SEMA4D: variants seen among roughly 807,000 people sequenced by gnomAD.
SEMA4D encodes semaphorin-4D.
In SEMA4D, 22 loss-of-function variants were observed where a neutral mutation model predicts 74.8. The observed-to-expected ratio is 0.29, with a 90% CI of 0.21 to 0.42. The LOEUF (loss-of-function observed/expected upper bound fraction) is 0.42, where lower values mean the gene tolerates loss of function less well. SEMA4D is among the 10% of genes least tolerant of loss of function. The pLI, the probability that SEMA4D is intolerant of heterozygous loss-of-function variation, is 1.00. For missense variants in SEMA4D, 937 were observed against 1,118.4 expected (o/e 0.84, Z 2.31); for synonymous variants, 445 against 463.7 (o/e 0.96, Z 0.52).
intron 2 of SEMA4D, among the ~76,000 whole-genome samples, chr9:89,435,701 CA>C (rs1564776802): frequency 1.1e-4 from 17 of 152,232 alleles, no homozygotes; most frequent in African/African-American, 4.1e-4. Context: ...GCAAGTCCTA[CA>C]GGCTCCACCT....
intron 1 of SEMA4D, among the ~76,000 whole-genome samples, chr9:89,480,367 C>T (rs928796942): frequency 3.9e-5 from 6 of 152,272 alleles, no homozygotes; most frequent in East Asian, 1.9e-4. Flanking sequence ...TAGTGGATCC[C>T]GCACCGGGGC....
chr9:89,381,374 G>A lies in SEMA4D; in HGVS notation c.1447-28C>T. On this transcript the variant is annotated intron_variant, in intron 13 of 15. Coordinates refer to ENST00000422704, the MANE Select transcript of SEMA4D (RefSeq NM_001371194.2). This position sits in a 1 kb window ranked among gnomAD's most constrained non-coding sequence, Gnocchi z 4.6. ...GCGTGTATGAGACAGAGAAGAACTA[G>A]CATCAGGCAAGCAGGCATCCAGGAG... 1 of 1,451,342 alleles carries A rather than the reference G, an allele frequency of 6.9e-7. No homozygotes were observed. Among genetic ancestry groups the A allele is most frequent in the Non-Finnish European group, 9.1e-7 (1 of 1,098,146 alleles). The allele number at this position is 1,451,342 out of a possible 1,614,324, so 89.9% of individuals were successfully genotyped here.
At chr9:89,475,160 C>T (rs893863664) in intron 1 of SEMA4D, among the ~76,000 whole-genome samples, 1 of 152,222 alleles carries the variant, frequency 6.6e-6, no homozygotes, top group African/African-American at 2.4e-5. Flanking sequence ...ACCTGGAGGC[C>T]ATCCTGGGCT....
intron 18 of SEMA4D, chr9:89,363,396 G>A (rs1564476366): frequency 6.2e-7 from 1 of 1,605,266 alleles, no homozygotes; most frequent in Non-Finnish European, 8.5e-7. Flanking sequence ...CCTGGCTCCA[G>A]CCCTCCTTTC....
intron 2 of SEMA4D, among the ~76,000 whole-genome samples, chr9:89,427,342 G>A (rs2134449794): frequency 6.6e-6 from 1 of 152,210 alleles, no homozygotes; most frequent in East Asian, 1.9e-4. Context: ...GCCAGAAGAG[G>A]GTCAAGTGCA....
intron 16 of SEMA4D, among the ~76,000 whole-genome samples, chr9:89,370,533 G>A (rs1456806817): frequency 6.6e-6 from 1 of 150,548 alleles, no homozygotes; most frequent in Non-Finnish European, 1.5e-5. Context: ...GGTGTGTGTG[G>A]CATGTGGTGT....
intron 2 of SEMA4D, among the ~76,000 whole-genome samples, chr9:89,427,631 C>T (rs570851776): frequency 3.3e-5 from 5 of 152,342 alleles, no homozygotes; most frequent in Admixed American, 2.0e-4. Context: ...CTCCACCCCC[C>T]GGTCAGCAGC....
chr9:89,430,170 C>T (rs894542669), intron 2 of SEMA4D, among the ~76,000 whole-genome samples: 10 of 151,994 alleles, frequency 6.6e-5, no homozygotes, highest in African/African-American at 1.9e-4. Flanking sequence ...AATTACTGGA[C>T]GGTCAGAACA....
intron 2 of SEMA4D, among the ~76,000 whole-genome samples, chr9:89,430,773 T>C (rs530343500): frequency 6.6e-6 from 1 of 152,300 alleles, no homozygotes; most frequent in East Asian, 1.9e-4. Flanking sequence ...GGTCAGGAGT[T>C]CAAGATCAGG....
chr9:89,471,583 G>A (rs967638438), intron 1 of SEMA4D, among the ~76,000 whole-genome samples: 14 of 136,882 alleles, frequency 1.0e-4, no homozygotes, highest in South Asian at 8.8e-4. Flanking sequence ...GGTGCATGCC[G>A]GCTCAGATGC....
intron 2 of SEMA4D, among the ~76,000 whole-genome samples, chr9:89,436,947 T>C (rs994120785): frequency 2.6e-5 from 4 of 152,356 alleles, no homozygotes; most frequent in Admixed American, 6.5e-5. Flanking sequence ...AGGAAGCAGA[T>C]GTAGCCCTGG....
chr9:89,383,531 G>A (rs1028740143), intron 13 of SEMA4D, among the ~76,000 whole-genome samples: 3 of 152,170 alleles, frequency 2.0e-5, no homozygotes, highest in African/African-American at 7.2e-5. Flanking sequence ...AGCAGAAGCC[G>A]AGGAGATGCA....
rs781227683 is a variant in SEMA4D at position 89,378,671 on chromosome 9, A to C, written c.*33T>G. On this transcript the variant is annotated 3_prime_UTR_variant, in exon 16 of 16. Coordinates refer to ENST00000422704, the MANE Select transcript of SEMA4D (RefSeq NM_001371194.2). Reference sequence around the variant, plus strand: ...AACTCTCCACGCCTGGACACGTCGCAGCCGAGGCACCAGCGGGGATGCACA... The same window carrying C: ...AACTCTCCACGCCTGGACACGTCGCCGCCGAGGCACCAGCGGGGATGCACA... The C allele has an allele frequency of 7.1e-6, 11 of 1,556,998 alleles. No homozygotes were observed. Among genetic ancestry groups the C allele is most frequent in the Middle Eastern group, 1.7e-4 (1 of 5,940 alleles).
At chr9:89,387,090 C>T (rs1467695933) in intron 12 of SEMA4D, 16 of 342,868 alleles carry the variant, frequency 4.7e-5, no homozygotes, top group Non-Finnish European at 3.7e-5. Context: ...CCTGCGTGGG[C>T]ACTGCCCCAA....
At chr9:89,468,261 C>G (rs1040611041) in intron 1 of SEMA4D, among the ~76,000 whole-genome samples, 1 of 152,206 alleles carries the variant, frequency 6.6e-6, no homozygotes, top group African/African-American at 2.4e-5. Flanking sequence ...CAGCATGACA[C>G]AGATTTTTTA....
In SEMA4D at chr9:89,386,582, T is replaced by C. The variant is rs1838560320; in HGVS notation, c.1331-100A>G. The C allele has an allele frequency of 4.3e-6, 3 of 697,270 alleles. No individual in the cohort carries two copies. The Admixed American group carries it at 7.5e-5, about 17-fold the overall frequency. 43.2% of individuals were successfully genotyped at this position (697,270 alleles called of 1,614,324 possible). ...CTTCACACTCTTCACTCTCAAGTCA[T>C]TCCCTCCACAGATACTTAGAAAACA... On this transcript the variant is annotated intron_variant, in intron 12 of 15. Coordinates refer to ENST00000422704, the MANE Select transcript of SEMA4D (RefSeq NM_001371194.2).
chr9:89,392,088 A>C (rs75339740), intron 8 of SEMA4D, among the ~76,000 whole-genome samples: 1 of 152,186 alleles, frequency 6.6e-6, no homozygotes, highest in Non-Finnish European at 1.5e-5. Context: ...GCCACACTTT[A>C]ATATCATTCT....
At position 89,379,298 on chromosome 9, in the gene SEMA4D, A is replaced by G; in HGVS notation, c.1995T>C (p.Gly665=). 6.2e-7 allele frequency: 1 copy of G among 1,614,076 alleles called. No individual in the cohort carries two copies. The highest frequency in any genetic ancestry group is 8.5e-7 in the Non-Finnish European group (1 of 1,180,004). Residue 665 remains glycine, a synonymous_variant, in exon 16 of 16, where the codon GGT becomes GGC. Transcript: ENST00000422704. ...APTLSVVQTE[G]SRIATKVLVA... is the part of the protein sequence containing the mutation. ...CCAACACTTTGGTGGCAATCCTACT[A>G]CCTTCTGTCTGAACAACTGACAAGG...
intron 1 of SEMA4D, among the ~76,000 whole-genome samples, chr9:89,473,277 C>T (rs2136007900): frequency 6.6e-6 from 1 of 152,244 alleles, no homozygotes; most frequent in African/African-American, 2.4e-5. Flanking sequence ...TGACCCAAAC[C>T]TTAAAAAGGA....
Sources: gnomAD v4.1 joint callset for allele counts (sites outside exome capture counted in the v4.1 genomes callset) on GRCh38, gnomAD v4.1.1 for gene constraint, Gnocchi (gnomAD v3.1) non-coding constraint, MANE v1.5 for transcripts, NCBI Gene and HGNC (gene_info 2026-07-23, HGNC 2026-07-21) for gene names.